The following CDK6 variants were observed in gnomAD, a reference collection of about 807,000 sequenced individuals.
CDK6 encodes the protein cyclin-dependent kinase 6.
Under a neutral mutation model 37.1 loss-of-function variants are expected in CDK6, and 6 were observed. The ratio of observed to expected loss-of-function variants is 0.16; its 90% confidence interval spans 0.09 to 0.32. CDK6 has a LOEUF of 0.32. Among genes scored for constraint, CDK6 ranks in the 10% least tolerant of loss-of-function variants. The probability of loss-of-function intolerance (pLI) is 1.00; values close to 1 mark genes in which losing one functional copy is unlikely to be tolerated. For synonymous variants in CDK6, 160 were observed against 161.3 expected, an observed-to-expected ratio of 0.99 and a Z score of 0.06; for missense variants, 224 against 418.9, an observed-to-expected ratio of 0.53 and a Z score of 4.06.
At chr7:92,689,812 T>A (rs1797559895) in intron 4 of CDK6, among the ~76,000 whole-genome samples, 1 of 152,188 alleles carries the variant, frequency 6.6e-6, no homozygotes, top group Non-Finnish European at 1.5e-5. Context: ...TTTGACTTTT[T>A]AATAATAGCA....
intron 3 of CDK6, among the ~76,000 whole-genome samples, chr7:92,752,987 T>G (rs905595356): frequency 6.6e-6 from 1 of 152,154 alleles, no homozygotes; most frequent in Non-Finnish European, 1.5e-5. Context: ...TTTTTAAACA[T>G]GAAGCAAGCC....
chr7:92,792,879 T>G (rs1800317867), intron 2 of CDK6, among the ~76,000 whole-genome samples: 1 of 151,816 alleles, frequency 6.6e-6, no homozygotes, highest in Non-Finnish European at 1.5e-5. Context: ...AGCCTCCAGA[T>G]GAGACGGAAT....
chr7:92,613,519 T>C lies in CDK6; in HGVS notation c.*1621A>G, dbSNP rs1393964765. The C allele has an allele frequency of 1.7e-5, 4 of 233,448 alleles. No homozygotes were observed. The highest frequency in any genetic ancestry group is 5.6e-5 in the Admixed American group (1 of 17,772). The allele number at this position is 233,448 out of a possible 1,614,324, so 14.5% of individuals were successfully genotyped here. A position where few individuals can be genotyped will look rare whatever the true frequency, so the allele number is the denominator to read the frequency against. On this transcript the variant is annotated 3_prime_UTR_variant, in exon 8 of 8. Transcript: ENST00000424848. ...AGATGGTATGAAATATAAAGGACTG[T>C]AGAGAAAACAGTAAGAGAAAAAGGA...
Position 92,614,285 on chromosome 7 carries a change from T to A in CDK6, c.*855A>T, listed in dbSNP as rs1014051228. 4.3e-6 allele frequency: 1 copy of A among 232,806 alleles called. No homozygotes were observed. The highest frequency in any genetic ancestry group is 2.2e-5 in the African/African-American group (1 of 45,284). 14.4% of individuals were successfully genotyped at this position (232,806 alleles called of 1,614,324 possible). A position where few individuals can be genotyped will look rare whatever the true frequency, so the allele number is the denominator to read the frequency against. ...TCTTTTTTTTAAAATCTATCTGAGG[T>A]ACACTCCCTAAACCTATAGCAAGTA... is the stretch of plus-strand genomic sequence containing the variant. On this transcript the variant is annotated 3_prime_UTR_variant, in exon 8 of 8. Coordinates refer to ENST00000424848, the MANE Select transcript of CDK6 (RefSeq NM_001145306.2).
chr7:92,793,848 A>AG (rs764778366), intron 2 of CDK6, among the ~76,000 whole-genome samples: 46 of 150,544 alleles, frequency 3.1e-4, no homozygotes, highest in Non-Finnish European at 5.3e-4. Flanking sequence ...GCCTAAGGCC[A>AG]GGGGTGTGGG....
chr7:92,739,375 A>G (rs1273123436), intron 3 of CDK6, among the ~76,000 whole-genome samples: 2 of 152,198 alleles, frequency 1.3e-5, no homozygotes, highest in Non-Finnish European at 2.9e-5. Flanking sequence ...TATGTTTTTT[A>G]GAATAGTCCC....
In CDK6 at chr7:92,760,530, T is replaced by A. The variant is rs1048739130; in HGVS notation, c.369+14166A>T. Among the ~76,000 whole-genome samples the A allele has an allele frequency of 2.0e-5, 3 of 152,182 alleles. No individual in the cohort carries two copies. In the East Asian group the frequency reaches 5.8e-4, roughly 29 times the overall value. On this transcript the variant is annotated intron_variant, in intron 3 of 7. Coordinates refer to ENST00000424848, the MANE Select transcript of CDK6 (RefSeq NM_001145306.2). Reference sequence around the variant, plus strand: ...AGAGGGCATTCCCCAATAAGATGTATGCTAAAACAGCCTTTTGTTGGATTA... The same window carrying A: ...AGAGGGCATTCCCCAATAAGATGTAAGCTAAAACAGCCTTTTGTTGGATTA...
At chr7:92,778,442 C>A (rs1324217941) in intron 2 of CDK6, among the ~76,000 whole-genome samples, 1 of 152,130 alleles carries the variant, frequency 6.6e-6, no homozygotes, top group East Asian at 1.9e-4. Flanking sequence ...AAAGATAGTA[C>A]CATAAATCAT....
At chr7:92,819,432 T>C (rs897713749) in intron 2 of CDK6, among the ~76,000 whole-genome samples, 1 of 152,090 alleles carries the variant, frequency 6.6e-6, no homozygotes, top group African/African-American at 2.4e-5. Flanking sequence ...AATGCGAGTA[T>C]TTTAGATATT....
chr7:92,686,757 T>C (rs1276379851), intron 4 of CDK6, among the ~76,000 whole-genome samples: 1 of 152,172 alleles, frequency 6.6e-6, no homozygotes, highest in East Asian at 1.9e-4. Flanking sequence ...AGTGTAAAAG[T>C]GTTCCCTTTT....
chr7:92,696,747 T>C (rs1283617573), intron 4 of CDK6, among the ~76,000 whole-genome samples: 6 of 152,200 alleles, frequency 3.9e-5, no homozygotes, highest in Admixed American at 3.9e-4. Context: ...ACCCCTTTAT[T>C]GAATGGACAG....
chr7:92,833,014 G>C lies in CDK6; in HGVS notation c.233+77C>G. 2 of 1,046,998 alleles carry C rather than the reference G, an allele frequency of 1.9e-6. No individual in the cohort carries two copies. The highest frequency in any genetic ancestry group is 1.5e-5 in the South Asian group (1 of 67,082). 64.9% of individuals were successfully genotyped at this position (1,046,998 alleles called of 1,614,324 possible). ...GTCGCCCTCTGCCCCGCACCTTTCT[G>C]GGCCTGAGGATTCCCGGCTCGGCCC... On this transcript the variant is annotated intron_variant, in intron 2 of 7. Coordinates refer to ENST00000424848, the MANE Select transcript of CDK6 (RefSeq NM_001145306.2). This position sits in a 1 kb window ranked among gnomAD's most constrained non-coding sequence, Gnocchi z 6.1.
At chr7:92,726,885 A>C (rs932590608) in intron 3 of CDK6, among the ~76,000 whole-genome samples, 2 of 152,254 alleles carry the variant, frequency 1.3e-5, no homozygotes, top group African/African-American at 2.4e-5. Flanking sequence ...AAAATGGGAC[A>C]GTAACAAAGC....
intron 4 of CDK6, among the ~76,000 whole-genome samples, chr7:92,676,914 G>A (rs1227270302): frequency 5.4e-5 from 8 of 149,488 alleles, no homozygotes; most frequent in Non-Finnish European, 1.0e-4. Context: ...AGCTGAGATC[G>A]CGCCACTGCA....
chr7:92,691,545 AT>A (rs1056901268), intron 4 of CDK6, among the ~76,000 whole-genome samples: 1 of 152,202 alleles, frequency 6.6e-6, no homozygotes, highest in Non-Finnish European at 1.5e-5. Context: ...TATTTCTTAG[AT>A]TTTTGGGCAA....
At chr7:92,621,644 T>C (rs1293511634) in intron 6 of CDK6, among the ~76,000 whole-genome samples, 2 of 152,180 alleles carry the variant, frequency 1.3e-5, no homozygotes, top group Non-Finnish European at 1.5e-5. Context: ...ACACAAAATA[T>C]ATTCAACAGT....
chr7:92,655,065 C>T (rs1333632715), intron 5 of CDK6, among the ~76,000 whole-genome samples: 2 of 148,750 alleles, frequency 1.3e-5, no homozygotes, highest in Non-Finnish European at 3.0e-5. Flanking sequence ...AGGCTTGTCT[C>T]AAACTCCTGG....
chr7:92,700,611 G>A (rs1008847204), intron 4 of CDK6, among the ~76,000 whole-genome samples: 5 of 152,196 alleles, frequency 3.3e-5, no homozygotes, highest in Non-Finnish European at 7.3e-5. Flanking sequence ...ATTTGGGTCT[G>A]GGGCTCAAGG....
chr7:92,725,599 AT>A, intron 4 of CDK6, 26 bp downstream of exon 4: 1 of 1,592,974 alleles, frequency 6.3e-7, no homozygotes, highest in Non-Finnish European at 8.6e-7. Flanking sequence ...AATAAGTTTA[AT>A]AAAAGGACAG....
Sources: gnomAD v4.1 joint callset for allele counts (sites outside exome capture counted in the v4.1 genomes callset) on GRCh38, gnomAD v4.1.1 for gene constraint, Gnocchi (gnomAD v3.1) non-coding constraint, MANE v1.5 for transcripts, NCBI Gene and HGNC (gene_info 2026-07-23, HGNC 2026-07-21) for gene names.